The following MAML3 variants were observed in gnomAD, a reference collection of about 807,000 sequenced individuals.
MAML3 encodes mastermind like transcriptional coactivator 3, also known as mastermind-like protein 3.
MAML3 carries 27 observed loss-of-function variants against 101.9 expected under a neutral mutation model. The observed-to-expected ratio is 0.27, with a 90% CI of 0.20 to 0.37. The LOEUF (loss-of-function observed/expected upper bound fraction) is 0.37, where lower values mean the gene tolerates loss of function less well. MAML3 is among the 10% of genes least tolerant of loss of function. MAML3 has a pLI of 1.00. For synonymous variants in MAML3, 501 were observed against 555.9 expected (o/e 0.90, Z 1.39); for missense variants, 1,316 against 1,444.9 (o/e 0.91, Z 1.45).
At chr4:140,074,915 A>C (rs1209216454) in intron 1 of MAML3, among the ~76,000 whole-genome samples, 1 of 152,236 alleles carries the variant, frequency 6.6e-6, no homozygotes, top group Admixed American at 6.5e-5. Flanking sequence ...GCATATGAAG[A>C]ATAAATGAAT....
At chr4:139,847,526 G>A (rs1014692873) in intron 2 of MAML3, among the ~76,000 whole-genome samples, 2 of 152,136 alleles carry the variant, frequency 1.3e-5, no homozygotes, top group Non-Finnish European at 2.9e-5. Context: ...CTGGGCTTCC[G>A]TACAAAGCCT....
At chr4:139,819,746 T>A (rs1730945395) in intron 2 of MAML3, among the ~76,000 whole-genome samples, 1 of 152,238 alleles carries the variant, frequency 6.6e-6, no homozygotes, top group South Asian at 2.1e-4. Flanking sequence ...AATGCTTGAC[T>A]CAGATTTCTC....
intron 2 of MAML3, among the ~76,000 whole-genome samples, chr4:139,873,923 T>C (rs1382254600): frequency 6.6e-6 from 1 of 152,270 alleles, no homozygotes; most frequent in Non-Finnish European, 1.5e-5. Context: ...GCATAAGTTG[T>C]TACACAGCAA....
At chr4:139,850,732 G>T (rs959574383) in intron 2 of MAML3, among the ~76,000 whole-genome samples, 3 of 151,814 alleles carry the variant, frequency 2.0e-5, no homozygotes, top group Admixed American at 2.0e-4. Flanking sequence ...TGGTAAAGAC[G>T]GGCGTTTCAC....
At chr4:139,813,232 C>T (rs1028406632) in intron 2 of MAML3, among the ~76,000 whole-genome samples, 3 of 151,450 alleles carry the variant, frequency 2.0e-5, no homozygotes, top group African/African-American at 4.8e-5. Flanking sequence ...GTTACAGAAA[C>T]GAGAAGAAAA....
intron 2 of MAML3, among the ~76,000 whole-genome samples, chr4:139,772,545 G>A (rs1430461866): frequency 6.6e-6 from 1 of 151,596 alleles, no homozygotes; most frequent in Admixed American, 6.6e-5. Context: ...GTTTCCCCAT[G>A]TTGGCCAGGC....
At chr4:140,017,828 T>C (rs892607378) in intron 1 of MAML3, among the ~76,000 whole-genome samples, 5 of 105,662 alleles carry the variant, frequency 4.7e-5, no homozygotes, top group African/African-American at 1.5e-4. Flanking sequence ...GAGATTCTAG[T>C]GGTTAGGGAA....
chr4:139,745,052 T>A (rs563925882), intron 2 of MAML3, among the ~76,000 whole-genome samples: 21 of 152,326 alleles, frequency 1.4e-4, no homozygotes, highest in East Asian at 7.7e-4. Context: ...TTTCTCTGGT[T>A]CCACTTGGAA....
chr4:139,892,268 G>T (rs1387356622), intron 1 of MAML3, among the ~76,000 whole-genome samples: 1 of 152,136 alleles, frequency 6.6e-6, no homozygotes, highest in African/African-American at 2.4e-5. Flanking sequence ...ATTATCCTTT[G>T]TTACCCAAAC....
chr4:139,730,934 A>G, intron 2 of MAML3: 1 of 508,542 alleles, frequency 2.0e-6, no homozygotes, highest in East Asian at 3.1e-5. Context: ...GGGACTGACT[A>G]TTGCATATAG....
chr4:139,773,735 TG>T (rs1227092023), intron 2 of MAML3, among the ~76,000 whole-genome samples: 3 of 152,234 alleles, frequency 2.0e-5, no homozygotes, highest in Non-Finnish European at 4.4e-5. Context: ...CTGAATTATC[TG>T]GCAACCTTTC....
chr4:139,808,430 T>C (rs924423918), intron 2 of MAML3, among the ~76,000 whole-genome samples: 5 of 152,226 alleles, frequency 3.3e-5, no homozygotes, highest in East Asian at 1.9e-4. Flanking sequence ...ACCAGCTTTA[T>C]TGGCCACAGA....
chr4:139,995,988 T>C (rs1057151322), intron 1 of MAML3, among the ~76,000 whole-genome samples: 1 of 152,118 alleles, frequency 6.6e-6, no homozygotes, highest in South Asian at 2.1e-4. Flanking sequence ...TATGTTGTGT[T>C]TTCATTTTCA....
chr4:139,953,131 G>C (rs1038590523), intron 1 of MAML3, among the ~76,000 whole-genome samples: 1 of 152,146 alleles, frequency 6.6e-6, no homozygotes, highest in African/African-American at 2.4e-5. Context: ...TTTTAAAAAA[G>C]AATGTGCCTA....
chr4:140,119,920 A>G (rs1483533463), intron 1 of MAML3, among the ~76,000 whole-genome samples: 1 of 152,150 alleles, frequency 6.6e-6, no homozygotes, highest in Non-Finnish European at 1.5e-5. Flanking sequence ...TCCAATCACA[A>G]TCAAGTTTGT....
chr4:139,977,518 T>C (rs1230471491), intron 1 of MAML3, among the ~76,000 whole-genome samples: 1 of 152,178 alleles, frequency 6.6e-6, no homozygotes, highest in African/African-American at 2.4e-5. Context: ...CTTTGGAACA[T>C]TCTGCCCTTA....
At position 139,996,202 on chromosome 4, in the gene MAML3, T is replaced by C. The variant is rs114598420; in HGVS notation, c.469-105235A>G. ...ATTCTGAAGACTATTCCCTGTGCATTTGAAAAGAATGTATATTCTGCAATT... is the reference window on the plus strand; with the variant it reads ...ATTCTGAAGACTATTCCCTGTGCATCTGAAAAGAATGTATATTCTGCAATT... On this transcript the variant is annotated intron_variant, in intron 1 of 4. Transcript: ENST00000509479. Among the ~76,000 whole-genome samples the C allele has an allele frequency of 6.6e-3, 1,001 of 152,314 alleles. 13 individuals carry two copies. The highest frequency in any genetic ancestry group is 0.023 in the African/African-American group (954 of 41,570).
chr4:139,850,388 G>C (rs1472429969), intron 2 of MAML3, among the ~76,000 whole-genome samples: 1 of 152,194 alleles, frequency 6.6e-6, no homozygotes, highest in Non-Finnish European at 1.5e-5. Flanking sequence ...TTGTCCTGGT[G>C]ACCTCTTTGG....
intron 2 of MAML3, among the ~76,000 whole-genome samples, chr4:139,886,316 A>AG (rs1732338359): frequency 1.3e-5 from 2 of 152,170 alleles, no homozygotes; most frequent in South Asian, 2.1e-4. Context: ...AACTTTTTTA[A>AG]GTAGGGAGTT....
Sources: gnomAD v4.1 joint callset for allele counts (sites outside exome capture counted in the v4.1 genomes callset) on GRCh38, gnomAD v4.1.1 for gene constraint, MANE v1.5 for transcripts, NCBI Gene and HGNC (gene_info 2026-07-23, HGNC 2026-07-21) for gene names.